ACVR1: variants seen among roughly 807,000 people sequenced by gnomAD.
The protein encoded by ACVR1 is activin A receptor type 1.
ACVR1 carries 38 observed loss-of-function variants against 57.1 expected under a neutral mutation model. The ratio of observed to expected loss-of-function variants is 0.67; its 90% CI spans 0.51 to 0.87. ACVR1 has a LOEUF of 0.87. Among genes scored for constraint, ACVR1 ranks in the 40% least tolerant of loss-of-function variants. The pLI, the probability that ACVR1 is intolerant of heterozygous loss-of-function variation, is 0.00. For missense variants in ACVR1, 463 were observed against 638.2 expected (o/e 0.73, Z 2.96); for synonymous variants, 212 against 228.1 (o/e 0.93, Z 0.63).
At chr2:157,765,634 G>A (rs1685834837) in intron 8 of ACVR1, among the ~76,000 whole-genome samples, 1 of 152,158 alleles carries the variant, frequency 6.6e-6, no homozygotes, top group African/African-American at 2.4e-5. Flanking sequence ...GAAATCATCA[G>A]AAGAAAGAAT....
At chr2:157,806,124 C>T (rs34561080) in intron 2 of ACVR1, among the ~76,000 whole-genome samples, 1,561 of 151,970 alleles carry the variant, frequency 0.01, 10 homozygotes, top group Middle Eastern at 0.034. Flanking sequence ...TACCATGCTC[C>T]GCCATCCTTA....
rs745444504 is a variant in ACVR1 at position 157,799,442 on chromosome 2, A to T, written c.52T>A (p.Ser18Thr). ...AGTCACTTACCTTCCATACTAGGGG[A>T]GGGGAGAGCAATCATGATAAGCACA... is the stretch of plus-strand genomic sequence containing the variant. ...LPVLIMIALPSPSMEDEKPKV... is the reference protein window; with the variant it reads ...LPVLIMIALPTPSMEDEKPKV... Residue 18 changes from serine to threonine, a missense_variant, in exon 3 of 11, where the codon TCC becomes ACC. Around this residue, in one of 3 missense-constraint regions of ACVR1, gnomAD observed 203 missense variants for 235.5 expected, o/e 0.86. Coordinates refer to ENST00000434821, the MANE Select transcript of ACVR1 (RefSeq NM_001111067.4). The T allele has an allele frequency of 2.7e-5, 44 of 1,611,024 alleles. No individual in the cohort carries two copies. Among genetic ancestry groups the T allele is most frequent in the Non-Finnish European group, 3.7e-5 (43 of 1,177,970 alleles).
At chr2:157,842,735 GC>G (rs1232774986) in intron 1 of ACVR1, among the ~76,000 whole-genome samples, 2 of 152,154 alleles carry the variant, frequency 1.3e-5, no homozygotes, top group Non-Finnish European at 2.9e-5. Context: ...TTATGTTCCT[GC>G]TTCCCCCACC....
chr2:157,760,763 T>C, intron 9 of ACVR1, 117 bp downstream of exon 9: 1 of 1,044,508 alleles, frequency 9.6e-7, no homozygotes, highest in Non-Finnish European at 1.4e-6. Flanking sequence ...TGCCTATAAC[T>C]CGACACGTAC....
intron 3 of ACVR1, among the ~76,000 whole-genome samples, chr2:157,783,928 T>C (rs1207869113): frequency 1.3e-5 from 2 of 152,178 alleles, no homozygotes; most frequent in African/African-American, 2.4e-5. Flanking sequence ...TGCACACACA[T>C]GCATGCACAC....
chr2:157,753,499 G>C (rs1401536847), intron 9 of ACVR1, among the ~76,000 whole-genome samples: 2 of 152,164 alleles, frequency 1.3e-5, no homozygotes, highest in Admixed American at 1.3e-4. Context: ...CTGCACTCCA[G>C]CCTGGGCGAC....
At chr2:157,753,999 C>T (rs1230407212) in intron 9 of ACVR1, among the ~76,000 whole-genome samples, 2 of 152,172 alleles carry the variant, frequency 1.3e-5, no homozygotes, top group Non-Finnish European at 2.9e-5. Context: ...ATCTCCTGCT[C>T]CTCAATGATC....
chr2:157,767,720 C>A (rs1376660984), intron 7 of ACVR1, among the ~76,000 whole-genome samples: 4 of 152,138 alleles, frequency 2.6e-5, no homozygotes, highest in Non-Finnish European at 4.4e-5. Flanking sequence ...TCATTATGCT[C>A]ATTTTACAGA....
At chr2:157,874,572 A>T (rs1690217201) in intron 1 of ACVR1, among the ~76,000 whole-genome samples, 1 of 152,238 alleles carries the variant, frequency 6.6e-6, no homozygotes, top group Admixed American at 6.5e-5. Flanking sequence ...CACTTGGATC[A>T]GCCCATCTCT....
chr2:157,815,139 A>G (rs1687887329), intron 2 of ACVR1, among the ~76,000 whole-genome samples: 1 of 152,214 alleles, frequency 6.6e-6, no homozygotes. Context: ...AAGAACTTCC[A>G]AGAAATATTA....
intron 1 of ACVR1, among the ~76,000 whole-genome samples, chr2:157,834,628 GC>G (rs1482120972): frequency 6.6e-6 from 1 of 152,008 alleles, no homozygotes; most frequent in Non-Finnish European, 1.5e-5. Flanking sequence ...ATGAATTCAT[GC>G]AGATGTATAT....
intron 1 of ACVR1, among the ~76,000 whole-genome samples, chr2:157,840,508 T>C (rs1483225571): frequency 1.3e-5 from 2 of 152,082 alleles, no homozygotes; most frequent in African/African-American, 4.8e-5. Flanking sequence ...TACCTTAATG[T>C]GAGCTAAAAG....
intron 8 of ACVR1, among the ~76,000 whole-genome samples, chr2:157,763,240 T>C (rs1162753460): frequency 1.3e-5 from 2 of 152,190 alleles, no homozygotes; most frequent in Non-Finnish European, 2.9e-5. Context: ...TTTCAAGGGA[T>C]GAATTTTGAA....
chr2:157,860,984 A>T (rs1689698026), intron 1 of ACVR1, among the ~76,000 whole-genome samples: 1 of 152,222 alleles, frequency 6.6e-6, no homozygotes, highest in Admixed American at 6.5e-5. Flanking sequence ...CACGCTGAGT[A>T]GCAAGGTTCT....
chr2:157,869,928 A>T (rs188954790), intron 1 of ACVR1, among the ~76,000 whole-genome samples: 2 of 152,346 alleles, frequency 1.3e-5, no homozygotes, highest in Admixed American at 1.3e-4. Flanking sequence ...CATCAAGACA[A>T]GGGATATTCA....
intron 9 of ACVR1, among the ~76,000 whole-genome samples, chr2:157,739,603 C>A (rs566804355): frequency 6.6e-6 from 1 of 152,104 alleles, no homozygotes; most frequent in South Asian, 2.1e-4. Flanking sequence ...TCCTAAATAC[C>A]TAAGAAGTTG....
rs186209398 is a variant in ACVR1 at position 157,844,087 on chromosome 2, T to C, written c.-182-25528A>G. Among the ~76,000 whole-genome samples the C allele has an allele frequency of 2.9e-3, 448 of 152,304 alleles. 2 individuals carry two copies. The highest frequency in any genetic ancestry group is 6.7e-3 in the Admixed American group (102 of 15,304). ...TACAGGGCAGGCAAAGGAGGCCCTG[T>C]CATGCAGAAGACATTGTGAAACCAT... On this transcript the variant is annotated intron_variant, in intron 1 of 10. Coordinates refer to ENST00000434821, the MANE Select transcript of ACVR1 (RefSeq NM_001111067.4).
At chr2:157,866,550 C>A (rs1357897064) in intron 1 of ACVR1, among the ~76,000 whole-genome samples, 2 of 152,054 alleles carry the variant, frequency 1.3e-5, no homozygotes, top group Non-Finnish European at 2.9e-5. Context: ...ATTTTTTTCC[C>A]CATCTTGGAG....
At chr2:157,870,123 G>A (rs2105388346) in intron 1 of ACVR1, among the ~76,000 whole-genome samples, 1 of 152,282 alleles carries the variant, frequency 6.6e-6, no homozygotes, top group East Asian at 1.9e-4. Flanking sequence ...ATTCCAGAAT[G>A]CTTTTTCTCA....
Sources: gnomAD v4.1 joint callset for allele counts (sites outside exome capture counted in the v4.1 genomes callset) on GRCh38, gnomAD v4.1.1 for gene constraint, gnomAD v4.1.1 regional missense constraint, MANE v1.5 for transcripts, NCBI Gene and HGNC (gene_info 2026-07-23, HGNC 2026-07-21) for gene names.